The following FN3K variants were observed in gnomAD, a reference collection of about 807,000 sequenced individuals.
FN3K encodes fructosamine-3-kinase.
A neutral mutation model predicts 24.8 loss-of-function variants in FN3K; 24 were observed. That is an observed-to-expected ratio of 0.97 (90% CI 0.70 to 1.36). The LOEUF (loss-of-function observed/expected upper bound fraction) is 1.36, where lower values mean the gene tolerates loss of function less well. Among genes scored for constraint, FN3K ranks in the 40% most tolerant of loss-of-function variants. The probability of loss-of-function intolerance (pLI) is 0.00; values close to 1 mark genes in which losing one functional copy is unlikely to be tolerated. For missense variants in FN3K, 449 were observed against 416.7 expected, an observed-to-expected ratio of 1.08 and a Z score of -0.67; for synonymous variants, 192 against 175.2, an observed-to-expected ratio of 1.10 and a Z score of -0.76.
At chr17:82,743,296 G>A (rs1336361378) in intron 4 of FN3K, among the ~76,000 whole-genome samples, 2 of 152,118 alleles carry the variant, frequency 1.3e-5, no homozygotes, top group Admixed American at 1.3e-4. Flanking sequence ...AGACGAGAAG[G>A]GGGCTAGTCT....
At position 82,750,618 on chromosome 17, in the gene FN3K, CG is replaced by C; in HGVS notation, c.795del (p.Lys266ArgfsTer21). On this transcript the variant is annotated frameshift_variant, in exon 6 of 6. Transcript: ENST00000300784. LOFTEE classifies it low-confidence loss of function (END_TRUNC). ...FPRSFFTAYHRKIPKAPGFDQ... is the reference protein window; with the variant it reads ...FPRSFFTAYHXKIPKAPGFDQ... ...CAGATCCTTCTTCACCGCCTACCAC[CG>C]GAAGATCCCCAAGGCTCCGGGCTTC... 3.1e-6 allele frequency: 5 copies of C among 1,614,118 alleles called. No individual in the cohort carries two copies. Among genetic ancestry groups the C allele is most frequent in the Non-Finnish European group, 4.2e-6 (5 of 1,180,016 alleles).
At position 82,750,641 on chromosome 17, in the gene FN3K, C is replaced by T. The variant is rs2047009612; in HGVS notation, c.816C>T (p.Gly272=). The T allele has an allele frequency of 6.2e-7, 1 of 1,614,098 alleles. No homozygotes were observed. The highest frequency in any genetic ancestry group is 8.5e-7 in the Non-Finnish European group (1 of 1,180,026). ...ACCGGAAGATCCCCAAGGCTCCGGG[C>T]TTCGACCAGCGGCTGCTGCTCTACC... is the stretch of plus-strand genomic sequence containing the variant. ...AYHRKIPKAP[G]FDQRLLLYQL... The change falls in exon 6 of 6, where the codon GGC becomes GGT. Residue 272 remains glycine (G), a synonymous_variant. Coordinates refer to ENST00000300784, the MANE Select transcript of FN3K (RefSeq NM_022158.4).
At position 82,750,883 on chromosome 17, in the gene FN3K, T is replaced by TCC; in HGVS notation, c.*133_*134dup. On this transcript the variant is annotated 3_prime_UTR_variant, in exon 6 of 6. Coordinates refer to ENST00000300784, the MANE Select transcript of FN3K (RefSeq NM_022158.4). ...CCGTCTCCCCGTCCCTCCGTCTCCA[T>TCC]CCCCCCGTCCCCCCATCCTCCTGTC... The TCC allele has an allele frequency of 2.5e-6, 1 of 401,192 alleles. No individual in the cohort carries two copies. The highest frequency in any genetic ancestry group is 2.3e-5 in the South Asian group (1 of 43,742). 24.9% of individuals were successfully genotyped at this position (401,192 alleles called of 1,614,324 possible). A position where few individuals can be genotyped will look rare whatever the true frequency, so the allele number is the denominator to read the frequency against.
At chr17:82,736,500 C>T (rs2256195) in intron 1 of FN3K, 22,705 of 152,484 alleles carry the variant, frequency 0.15, 1,849 homozygotes, top group Non-Finnish European at 0.18. Context: ...CGCGCCATTG[C>T]ACTCCAGCCT....
chr17:82,741,507 A>G, intron 4 of FN3K, 114 bp downstream of exon 4: 1 of 981,572 alleles, frequency 1.0e-6, no homozygotes, highest in South Asian at 1.4e-5. Context: ...TTGATTTCTG[A>G]AAGCAGAGTA....
At chr17:82,740,695 A>T in intron 2 of FN3K, 68 bp from the exon 3 acceptor site, 8 of 1,127,390 alleles carry the variant, frequency 7.1e-6, no homozygotes, top group Non-Finnish European at 1.1e-5. Flanking sequence ...CTTTCTCAAA[A>T]TGGAACAAAC....
intron 4 of FN3K, among the ~76,000 whole-genome samples, chr17:82,744,231 C>T (rs937835166): frequency 6.6e-6 from 1 of 152,126 alleles, no homozygotes; most frequent in African/African-American, 2.4e-5. Context: ...GCGGTCCTCC[C>T]CGAAGGAGTT....
intron 4 of FN3K, chr17:82,742,740 A>G (rs1326485037): frequency 4.4e-6 from 2 of 456,102 alleles, no homozygotes; most frequent in South Asian, 1.6e-5. Context: ...ATATTGGACC[A>G]TATTTTGGTT....
chr17:82,749,026 C>G (rs372663026), intron 5 of FN3K, 49 bp downstream of exon 5: 1 of 1,612,804 alleles, frequency 6.2e-7, no homozygotes. Context: ...CTCTCATGAT[C>G]CCGCCGCATT....
intron 4 of FN3K, chr17:82,742,640 A>C (rs1303416090): frequency 2.2e-6 from 1 of 452,048 alleles, no homozygotes; most frequent in Admixed American, 2.4e-5. Context: ...ATAATACTGG[A>C]GCCTCTTGAA....
intron 2 of FN3K, 119 bp downstream of exon 2, chr17:82,738,759 C>T: frequency 7.6e-7 from 1 of 1,323,982 alleles, no homozygotes; most frequent in Non-Finnish European, 1.1e-6. Context: ...CAGGGAGAAG[C>T]CTGTGGCTGA....
At chr17:82,741,193 T>C in intron 3 of FN3K, 118 bp from the exon 4 acceptor site, 1 of 885,200 alleles carries the variant, frequency 1.1e-6, no homozygotes, top group South Asian at 1.4e-5. Context: ...ATGTAGTACA[T>C]CCTCAGACCA....
At chr17:82,736,821 T>A (rs906159068) in intron 1 of FN3K, among the ~76,000 whole-genome samples, 1 of 151,918 alleles carries the variant, frequency 6.6e-6, no homozygotes, top group Non-Finnish European at 1.5e-5. Flanking sequence ...AAGTGGGGAG[T>A]CCTACTCACA....
At position 82,750,972 on chromosome 17, in the gene FN3K, C is replaced by A; in HGVS notation, c.*217C>A. 1 of 194,660 alleles carries A rather than the reference C, an allele frequency of 5.1e-6. No homozygotes were observed. The highest frequency in any genetic ancestry group is 9.2e-6 in the Non-Finnish European group (1 of 109,038). 12.1% of individuals were successfully genotyped at this position (194,660 alleles called of 1,614,324 possible). ...GTCCCCCTGTCCCCCTGTCCACATACCAATCCCCCTGTCCCCGACCCCCCA... is the reference window on the plus strand; with the variant it reads ...GTCCCCCTGTCCCCCTGTCCACATAACAATCCCCCTGTCCCCGACCCCCCA... On this transcript the variant is annotated 3_prime_UTR_variant, in exon 6 of 6. Coordinates refer to ENST00000300784, the MANE Select transcript of FN3K (RefSeq NM_022158.4).
chr17:82,744,548 C>T (rs2046957756), intron 4 of FN3K, among the ~76,000 whole-genome samples: 1 of 151,996 alleles, frequency 6.6e-6, no homozygotes, highest in South Asian at 2.1e-4. Flanking sequence ...GGTGGGTTGC[C>T]CCTCCACACC....
At chr17:82,740,889 A>C in intron 3 of FN3K, 35 bp downstream of exon 3, 4 of 1,448,192 alleles carry the variant, frequency 2.8e-6, no homozygotes, top group Non-Finnish European at 3.9e-6. Context: ...CCCTTGATCC[A>C]GCCACATTGT....
intron 3 of FN3K, 57 bp downstream of exon 3, chr17:82,740,911 G>A: frequency 8.6e-7 from 1 of 1,159,042 alleles, no homozygotes; most frequent in South Asian, 1.2e-5. Flanking sequence ...TACCCTAGAT[G>A]GGTGCTCATG....
intron 4 of FN3K, 143 bp downstream of exon 4, chr17:82,741,536 A>G (rs193099200): frequency 5.5e-5 from 43 of 775,118 alleles, no homozygotes; most frequent in Admixed American, 1.7e-4. Context: ...GATACCTGGA[A>G]TGGGGAGAGC....
chr17:82,747,457 A>G (rs1363704738), intron 4 of FN3K, among the ~76,000 whole-genome samples: 2 of 151,902 alleles, frequency 1.3e-5, no homozygotes, highest in African/African-American at 4.8e-5. Context: ...CTGGAGTGCA[A>G]TGGCACAATC....
Sources: gnomAD v4.1 joint callset for allele counts (sites outside exome capture counted in the v4.1 genomes callset) on GRCh38, gnomAD v4.1.1 for gene constraint, MANE v1.5 for transcripts, NCBI Gene and HGNC (gene_info 2026-07-23, HGNC 2026-07-21) for gene names.